Variants in PEBP4 observed in about 807,000 individuals in gnomAD.
PEBP4 encodes the protein phosphatidylethanolamine-binding protein 4.
PEBP4 carries 22 observed loss-of-function variants against 23.9 expected under a neutral mutation model. The ratio of observed to expected loss-of-function variants is 0.92; its 90% confidence interval spans 0.66 to 1.31. The LOEUF (loss-of-function observed/expected upper bound fraction) is 1.31, where lower values mean the gene tolerates loss of function less well. PEBP4 is among the 40% of genes most tolerant of loss of function. The pLI is 0.00. For synonymous variants in PEBP4, 112 were observed against 99.3 expected, an observed-to-expected ratio of 1.13 and a Z score of -0.76; for missense variants, 324 against 281.7, an observed-to-expected ratio of 1.15 and a Z score of -1.07.
intron 1 of PEBP4, among the ~76,000 whole-genome samples, chr8:22,939,412 A>G (rs1475605158): frequency 1.3e-5 from 2 of 152,168 alleles, no homozygotes; most frequent in Non-Finnish European, 2.9e-5. Flanking sequence ...AACAATGAAG[A>G]TGGACTAAAT....
chr8:22,822,924 G>A (rs1806892047), intron 3 of PEBP4, among the ~76,000 whole-genome samples: 2 of 151,922 alleles, frequency 1.3e-5, no homozygotes, highest in African/African-American at 4.8e-5. Context: ...CTAAATAGAT[G>A]TTTTGTGAAC....
intron 4 of PEBP4, among the ~76,000 whole-genome samples, chr8:22,802,656 C>T (rs1806410005): frequency 6.6e-6 from 1 of 152,236 alleles, no homozygotes. Flanking sequence ...GTGGCTTCCA[C>T]ATTCTCCCTC....
intron 4 of PEBP4, among the ~76,000 whole-genome samples, chr8:22,753,557 G>T (rs1256812163): frequency 1.3e-5 from 2 of 152,224 alleles, no homozygotes; most frequent in Admixed American, 6.5e-5. Context: ...GACACATGAT[G>T]CTGGGAGAAC....
At chr8:22,808,267 TCATC>T (rs1806545784) in intron 4 of PEBP4, among the ~76,000 whole-genome samples, 1 of 151,266 alleles carries the variant, frequency 6.6e-6, no homozygotes, top group Admixed American at 6.6e-5. Context: ...ATCTATCTAT[TCATC>T]CATCCATCCA....
At position 22,852,586 on chromosome 8, in the gene PEBP4, C is replaced by G. The variant is rs528805260; in HGVS notation, c.259-34851G>C. On this transcript the variant is annotated intron_variant, in intron 3 of 6. Coordinates refer to ENST00000256404, the MANE Select transcript of PEBP4 (RefSeq NM_144962.3). ...GAAAGAGCCTAGAAAAAATCTGTTTCCCAACACAAACTTGGTTCCAACGGA... is the reference window on the plus strand; with the variant it reads ...GAAAGAGCCTAGAAAAAATCTGTTTGCCAACACAAACTTGGTTCCAACGGA... 9.1e-4 allele frequency among the ~76,000 whole-genome samples: 139 copies of G among 152,118 alleles called. 1 individual carries two copies. Among genetic ancestry groups the G allele is most frequent in the African/African-American group, 3.3e-3 (137 of 41,458 alleles).
At chr8:22,717,806 A>C (rs748659243) in intron 6 of PEBP4, among the ~76,000 whole-genome samples, 1 of 152,088 alleles carries the variant, frequency 6.6e-6, no homozygotes, top group African/African-American at 2.4e-5. Flanking sequence ...GGCCCTGAAG[A>C]GAAAAAACAA....
At chr8:22,927,502 T>C in intron 2 of PEBP4, 82 bp downstream of exon 2, 1 of 1,479,862 alleles carries the variant, frequency 6.8e-7, no homozygotes, top group Non-Finnish European at 9.0e-7. Flanking sequence ...ATGGTGCTTC[T>C]TGGTTCTGGA....
At chr8:22,762,490 GA>G in intron 4 of PEBP4, among the ~76,000 whole-genome samples, 1 of 152,244 alleles carries the variant, frequency 6.6e-6, no homozygotes, top group Middle Eastern at 3.4e-3. Context: ...CCATGGTTGA[GA>G]AAAAGCAAGG....
At chr8:22,890,657 CTGGCAGG>C (rs1169682206) in intron 3 of PEBP4, among the ~76,000 whole-genome samples, 1 of 152,198 alleles carries the variant, frequency 6.6e-6, no homozygotes, top group African/African-American at 2.4e-5. Context: ...CAGAGGCCGC[CTGGCAGG>C]TGGCAGGTAG....
chr8:22,753,504 A>G (rs1805311232), intron 4 of PEBP4, among the ~76,000 whole-genome samples: 1 of 152,240 alleles, frequency 6.6e-6, no homozygotes, highest in African/African-American at 2.4e-5. Flanking sequence ...TAATCTTGAC[A>G]AAATAATGAA....
intron 3 of PEBP4, among the ~76,000 whole-genome samples, chr8:22,843,988 C>A (rs1807376416): frequency 1.3e-5 from 2 of 152,148 alleles, no homozygotes; most frequent in Admixed American, 6.5e-5. Context: ...TTAGAAAGCA[C>A]AAAAGCGCTG....
At chr8:22,761,569 G>A (rs1180795419) in intron 4 of PEBP4, among the ~76,000 whole-genome samples, 3 of 152,182 alleles carry the variant, frequency 2.0e-5, no homozygotes, top group Admixed American at 6.5e-5. Flanking sequence ...TCTTTTCAGA[G>A]GTAATGTTCT....
intron 2 of PEBP4, among the ~76,000 whole-genome samples, chr8:22,927,100 A>G (rs1809353904): frequency 6.6e-6 from 1 of 152,240 alleles, no homozygotes; most frequent in Non-Finnish European, 1.5e-5. Flanking sequence ...ATCCAGTGCC[A>G]TGATCCCTAA....
chr8:22,915,088 C>A (rs186558149), intron 3 of PEBP4, among the ~76,000 whole-genome samples: 161 of 152,208 alleles, frequency 1.1e-3, no homozygotes, highest in African/African-American at 3.7e-3. Flanking sequence ...ATCCCCACAG[C>A]CCCCAAGCTC....
chr8:22,868,493 C>G (rs57629459), intron 3 of PEBP4, among the ~76,000 whole-genome samples: 9,231 of 152,108 alleles, frequency 0.061, 730 homozygotes, highest in African/African-American at 0.18. Context: ...TTTTATTCCC[C>G]ACAGAACTCA....
intron 4 of PEBP4, among the ~76,000 whole-genome samples, chr8:22,813,414 C>T (rs916041460): frequency 6.6e-6 from 1 of 152,122 alleles, no homozygotes; most frequent in East Asian, 1.9e-4. Flanking sequence ...TCTTTGTCAC[C>T]AATCATGATA....
intron 3 of PEBP4, among the ~76,000 whole-genome samples, chr8:22,890,852 G>C (rs913743002): frequency 3.3e-5 from 5 of 152,132 alleles, no homozygotes; most frequent in African/African-American, 1.2e-4. Context: ...ATTTGAGATG[G>C]AGTCTCACCC....
At chr8:22,745,898 C>T (rs769688145) in intron 4 of PEBP4, among the ~76,000 whole-genome samples, 8 of 152,292 alleles carry the variant, frequency 5.3e-5, no homozygotes, top group Admixed American at 2.0e-4. Flanking sequence ...AGTCATTAGG[C>T]GGCAGAACTG....
At chr8:22,757,129 A>T (rs1348056171) in intron 4 of PEBP4, 1 of 152,236 alleles carries the variant, frequency 6.6e-6, no homozygotes. Context: ...TGCTCACCAT[A>T]TGCCAGGGTT....
Sources: allele counts gnomAD v4.1 joint callset (sites outside exome capture counted in the v4.1 genomes callset), GRCh38; gene constraint gnomAD v4.1.1; transcripts MANE v1.5; gene names NCBI Gene and HGNC (gene_info 2026-07-23, HGNC 2026-07-21).